ASIC2: variants seen among roughly 807,000 people sequenced by gnomAD.
ASIC2 encodes acid-sensing ion channel 2.
A neutral mutation model predicts 57.3 loss-of-function variants in ASIC2; 25 were observed. The observed-to-expected ratio is 0.44, with a 90% CI of 0.32 to 0.61. The LOEUF is 0.61. Among genes scored for constraint, ASIC2 ranks in the 20% least tolerant of loss-of-function variants. ASIC2 has a pLI of 0.06. For synonymous variants in ASIC2, 319 were observed against 307.5 expected (o/e 1.04, Z -0.39); for missense variants, 641 against 738.1 (o/e 0.87, Z 1.52).
rs527901166 is a variant in ASIC2, at chr17:33,309,572, C to T, written c.556-197505G>A. 2.6e-5 allele frequency among the ~76,000 whole-genome samples: 4 copies of T among 152,244 alleles called. No homozygotes were observed. In the South Asian group the frequency reaches 8.3e-4, roughly 32 times the overall value. The stretch of plus-strand genomic sequence containing the variant: ...TTATCCTCCTCTACCATCACCACCA[C>T]CTTCACCTTCACCTCCACCTCCACT... On this transcript the variant is annotated intron_variant, in intron 1 of 9. Transcript: ENST00000359872.
At position 33,106,811 on chromosome 17, in the gene ASIC2, A is replaced by G. The variant is rs556134900; in HGVS notation, c.859+5106T>C. On this transcript the variant is annotated intron_variant, in intron 2 of 9. Coordinates refer to ENST00000225823, the MANE Select transcript of ASIC2 (RefSeq NM_183377.2). ...GTCAAAACAGTCTTTTGCTGGGGGCAGGATCTGTAAAATATAAAACTTAGG... is the reference window on the plus strand; with the variant it reads ...GTCAAAACAGTCTTTTGCTGGGGGCGGGATCTGTAAAATATAAAACTTAGG... Among the ~76,000 whole-genome samples, 309 of 152,202 alleles carry G rather than the reference A, an allele frequency of 2.0e-3. 2 individuals carry two copies. The highest frequency in any genetic ancestry group is 2.0e-3 in the Non-Finnish European group (138 of 67,994).
At chr17:33,281,452 A>T (rs186012829) in intron 1 of ASIC2, among the ~76,000 whole-genome samples, 3 of 152,376 alleles carry the variant, frequency 2.0e-5, no homozygotes, top group Admixed American at 1.3e-4. Context: ...ACAAGAGAGC[A>T]GGAACAGTTT....
chr17:33,825,482 G>T (rs9909332), intron 1 of ASIC2, among the ~76,000 whole-genome samples: 123,513 of 152,118 alleles, frequency 0.81, 50,506 homozygotes, highest in African/African-American at 0.85. Flanking sequence ...TACACCCTGA[G>T]CAGGAAGGTC....
intron 1 of ASIC2, chr17:34,070,148 A>T (rs1909343839): frequency 1.3e-5 from 2 of 152,180 alleles, no homozygotes; most frequent in Admixed American, 1.3e-4. Flanking sequence ...GATGGACATA[A>T]ATTCCTCAGT....
intron 1 of ASIC2, among the ~76,000 whole-genome samples, chr17:33,256,099 C>T (rs760273168): frequency 6.6e-6 from 1 of 152,124 alleles, no homozygotes; most frequent in Non-Finnish European, 1.5e-5. Context: ...AAAATACTTG[C>T]TATTTCTTAA....
rs79268776 is a variant in ASIC2, at chr17:33,733,490, G to A, written c.555+422488C>T. 7.9e-5 allele frequency among the ~76,000 whole-genome samples: 12 copies of A among 152,320 alleles called. No homozygotes were observed. In the East Asian group the frequency reaches 2.3e-3, roughly 29 times the overall value. ...ATCTCCCTGAAAGGGAGGAGACGGA[G>A]AGGGTGAGGGAGAGAAGATGGAGAC... On this transcript the variant is annotated intron_variant, in intron 1 of 9. Transcript: ENST00000359872.
At chr17:33,070,304 T>C (rs538287884) in intron 3 of ASIC2, among the ~76,000 whole-genome samples, 1 of 151,438 alleles carries the variant, frequency 6.6e-6, no homozygotes, top group African/African-American at 2.4e-5. Flanking sequence ...ATTGTAGTTA[T>C]AGGTTGGTGC....
chr17:33,660,696 CAT>C (rs553633688), intron 1 of ASIC2, among the ~76,000 whole-genome samples: 23 of 152,338 alleles, frequency 1.5e-4, no homozygotes, highest in African/African-American at 2.2e-4. Flanking sequence ...TCGTCACAAA[CAT>C]GTGTGTCCCG....
intron 1 of ASIC2, among the ~76,000 whole-genome samples, chr17:33,852,434 G>T (rs1913794845): frequency 6.6e-6 from 1 of 152,148 alleles, no homozygotes; most frequent in South Asian, 2.1e-4. Context: ...GGGTGAGATG[G>T]CAGGAGAAAA....
chr17:33,367,884 C>T (rs187436706), intron 1 of ASIC2, among the ~76,000 whole-genome samples: 2 of 152,270 alleles, frequency 1.3e-5, no homozygotes, highest in East Asian at 3.9e-4. Context: ...TTTGTTCGAG[C>T]TTAGGTATTC....
chr17:33,146,724 C>T (rs200821375), intron 1 of ASIC2, among the ~76,000 whole-genome samples: 5 of 152,200 alleles, frequency 3.3e-5, no homozygotes, highest in Admixed American at 1.3e-4. Context: ...CTCATCTGCT[C>T]GACCTTGGCT....
At chr17:33,818,780 C>T (rs927523697) in intron 1 of ASIC2, among the ~76,000 whole-genome samples, 1 of 152,228 alleles carries the variant, frequency 6.6e-6, no homozygotes, top group African/African-American at 2.4e-5. Context: ...ATGTTGATTC[C>T]TGCTTTTCCT....
chr17:33,188,971 G>C (rs776762302), intron 1 of ASIC2, among the ~76,000 whole-genome samples: 4 of 152,082 alleles, frequency 2.6e-5, no homozygotes, highest in Non-Finnish European at 5.9e-5. Context: ...AGCATATGTA[G>C]AAGAAAAATG....
At chr17:34,029,363 C>G (rs969026936) in intron 1 of ASIC2, among the ~76,000 whole-genome samples, 37 of 125,730 alleles carry the variant, frequency 2.9e-4, no homozygotes, top group Middle Eastern at 5.3e-3. Flanking sequence ...GAATGTCTCA[C>G]AGTGCTAAAA....
At position 33,965,404 on chromosome 17, in the gene ASIC2, C is replaced by T. The variant is rs146837112; in HGVS notation, c.555+190574G>A. On this transcript the variant is annotated intron_variant, in intron 1 of 9. Coordinates refer to the ASIC2 transcript ENST00000359872. ...ATGAAGCCACACCTTGCAGGGTTCC[C>T]AGCCTATCAAAAAGGTAAGCCAGCC... Among the ~76,000 whole-genome samples the T allele has an allele frequency of 8.3e-3, 1,268 of 152,152 alleles. 29 individuals are homozygous for T. The highest frequency in any genetic ancestry group is 0.028 in the African/African-American group (1,160 of 41,488).
intron 1 of ASIC2, among the ~76,000 whole-genome samples, chr17:33,774,369 T>C (rs1366940072): frequency 6.6e-6 from 1 of 152,158 alleles, no homozygotes; most frequent in Non-Finnish European, 1.5e-5. Context: ...TGAGGTCATG[T>C]CTAGGCTCAT....
chr17:33,305,711 G>A (rs1190373608), intron 1 of ASIC2, among the ~76,000 whole-genome samples: 1 of 152,096 alleles, frequency 6.6e-6, no homozygotes, highest in Non-Finnish European at 1.5e-5. Flanking sequence ...TAAGGATATA[G>A]GAAAGGACAG....
intron 3 of ASIC2, among the ~76,000 whole-genome samples, chr17:33,080,858 G>C (rs1488246530): frequency 6.6e-6 from 1 of 152,132 alleles, no homozygotes; most frequent in Non-Finnish European, 1.5e-5. Context: ...GAAGTGGGAT[G>C]GTGCGAGATT....
intron 1 of ASIC2, among the ~76,000 whole-genome samples, chr17:33,774,125 G>A (rs1911196790): frequency 1.3e-5 from 2 of 152,186 alleles, no homozygotes; most frequent in South Asian, 4.1e-4. Flanking sequence ...AGGCTCTCTG[G>A]CTCCCAAGCT....
Sources: gnomAD v4.1 joint callset for allele counts (sites outside exome capture counted in the v4.1 genomes callset) on GRCh38, gnomAD v4.1.1 for gene constraint, MANE v1.5 for transcripts, NCBI Gene and HGNC (gene_info 2026-07-23, HGNC 2026-07-21) for gene names.